PHACTR3: variants seen among roughly 807,000 people sequenced by gnomAD.
The protein encoded by PHACTR3 is protein phosphatase 1, regulatory subunit 123.
In PHACTR3, 16 loss-of-function variants were observed where a neutral mutation model predicts 66.8. The observed-to-expected ratio is 0.24, with a 90% CI of 0.16 to 0.36. PHACTR3 has a LOEUF of 0.36. Ranked by LOEUF, PHACTR3 falls within the 10% of genes least tolerant of loss-of-function variation. The pLI is 1.00. For missense variants in PHACTR3, 647 were observed against 719.9 expected, an observed-to-expected ratio of 0.90 and a Z score of 1.16; for synonymous variants, 323 against 292.1, an observed-to-expected ratio of 1.11 and a Z score of -1.08.
chr20:59,754,981 G>A (rs1180812026), intron 3 of PHACTR3, among the ~76,000 whole-genome samples: 1 of 152,188 alleles, frequency 6.6e-6, no homozygotes, highest in Non-Finnish European at 1.5e-5. Flanking sequence ...GCAGAAACCA[G>A]GCTAGGGTGT....
At position 59,604,983 on chromosome 20, in the gene PHACTR3, C is replaced by T. The variant is rs1403116387; in HGVS notation, c.-32C>T. The T allele has an allele frequency of 1.6e-6, 2 of 1,276,118 alleles. No individual in the cohort carries two copies. Among genetic ancestry groups the T allele is most frequent in the Admixed American group, 4.1e-5 (1 of 24,454 alleles). 79.0% of individuals were successfully genotyped at this position (1,276,118 alleles called of 1,614,324 possible). A position where few individuals can be genotyped will look rare whatever the true frequency, so the allele number is the denominator to read the frequency against. ...TCGGATGCTCTGATTCCACGCGGCTCGCTCTAACTTGCCCCCGCGCCGGCC... is the reference window on the plus strand; with the variant it reads ...TCGGATGCTCTGATTCCACGCGGCTTGCTCTAACTTGCCCCCGCGCCGGCC... On this transcript the variant is annotated 5_prime_UTR_variant, in exon 1 of 13. Coordinates refer to ENST00000371015, the MANE Select transcript of PHACTR3 (RefSeq NM_080672.5).
At chr20:59,650,740 CA>C (rs34879994) in intron 1 of PHACTR3, among the ~76,000 whole-genome samples, 728 of 61,482 alleles carry the variant, frequency 0.012, 4 homozygotes, top group African/African-American at 0.028. Context: ...GCGTTGATAG[CA>C]AAAAAAAAAA....
intron 1 of PHACTR3, among the ~76,000 whole-genome samples, chr20:59,704,378 A>T (rs968014083): frequency 6.6e-6 from 1 of 152,114 alleles, no homozygotes; most frequent in South Asian, 2.1e-4. Context: ...TTGCTCCTAT[A>T]CTTAAGAAGG....
intron 8 of PHACTR3, among the ~76,000 whole-genome samples, chr20:59,818,059 C>T (rs994048552): frequency 2.0e-5 from 3 of 152,178 alleles, no homozygotes; most frequent in South Asian, 4.1e-4. Flanking sequence ...GGAGCCTCAG[C>T]GAACCTGTCT....
chr20:59,816,722 G>T (rs2041897094), intron 8 of PHACTR3, among the ~76,000 whole-genome samples: 1 of 152,224 alleles, frequency 6.6e-6, no homozygotes, highest in Admixed American at 6.5e-5. Flanking sequence ...TGGTTGGTTA[G>T]ATGGATAGAT....
chr20:59,745,290 C>T (rs1163359544), intron 2 of PHACTR3, among the ~76,000 whole-genome samples: 1 of 152,164 alleles, frequency 6.6e-6, no homozygotes, highest in Non-Finnish European at 1.5e-5. Context: ...TCAGGGGGGT[C>T]TCTGACATTC....
intron 1 of PHACTR3, among the ~76,000 whole-genome samples, chr20:59,688,932 C>T (rs949811374): frequency 3.9e-5 from 6 of 152,222 alleles, no homozygotes; most frequent in South Asian, 4.1e-4. Flanking sequence ...TTGTTGGGAA[C>T]GCTAATTTCT....
At chr20:59,764,977 C>G (rs1186582801) in intron 4 of PHACTR3, among the ~76,000 whole-genome samples, 1 of 152,106 alleles carries the variant, frequency 6.6e-6, no homozygotes, top group African/African-American at 2.4e-5. Context: ...GTGTGGTGTC[C>G]CAAGAATGAG....
At chr20:59,833,142 C>G (rs999384176) in intron 8 of PHACTR3, among the ~76,000 whole-genome samples, 1 of 152,202 alleles carries the variant, frequency 6.6e-6, no homozygotes, top group Non-Finnish European at 1.5e-5. Context: ...CCCTTTTGCT[C>G]TGTTTACAAC....
intron 8 of PHACTR3, among the ~76,000 whole-genome samples, chr20:59,823,656 A>T (rs2042110495): frequency 6.6e-6 from 1 of 152,194 alleles, no homozygotes; most frequent in African/African-American, 2.4e-5. Flanking sequence ...GAGAGGAGTG[A>T]GTATTTAAAG....
rs905102345 is a variant in PHACTR3, at chr20:59,740,596, T to C, written c.119-2511T>C. Among the ~76,000 whole-genome samples, 39 of 152,214 alleles carry C rather than the reference T, an allele frequency of 2.6e-4. 2 individuals are homozygous for C. Among genetic ancestry groups the C allele is most frequent in the Admixed American group, 1.7e-3 (26 of 15,288 alleles). On this transcript the variant is annotated intron_variant, in intron 1 of 12. Coordinates refer to ENST00000371015, the MANE Select transcript of PHACTR3 (RefSeq NM_080672.5). ...ACAGGCATGAGCCACTGTACTGGCC[T>C]TCCCAGAATTTATGACCACACTGAG...
intron 1 of PHACTR3, among the ~76,000 whole-genome samples, chr20:59,675,511 G>A (rs544526211): frequency 5.3e-5 from 8 of 152,188 alleles, no homozygotes; most frequent in Non-Finnish European, 7.3e-5. Context: ...CCCTGTCTCC[G>A]AGGATCAGAG....
intron 1 of PHACTR3, among the ~76,000 whole-genome samples, chr20:59,700,591 T>C (rs2037466132): frequency 6.6e-6 from 1 of 152,138 alleles, no homozygotes; most frequent in African/African-American, 2.4e-5. Flanking sequence ...AAAAACATCA[T>C]TTTTGGTTTA....
At chr20:59,787,655 C>G (rs1433794516) in intron 7 of PHACTR3, among the ~76,000 whole-genome samples, 1 of 152,202 alleles carries the variant, frequency 6.6e-6, no homozygotes. Flanking sequence ...ACTCCTTAGA[C>G]AGCCCCTCTG....
upstream of PHACTR3, among the ~76,000 whole-genome samples, chr20:59,602,022 C>T (rs572343499): frequency 1.2e-4 from 18 of 152,264 alleles, no homozygotes; most frequent in Admixed American, 5.9e-4. Flanking sequence ...TGGTGGTGCA[C>T]GGACAAGGCA....
chr20:59,729,695 G>A lies in PHACTR3; in HGVS notation c.119-13412G>A, dbSNP rs1296964979. 4.6e-5 allele frequency among the ~76,000 whole-genome samples: 7 copies of A among 152,156 alleles called. 1 individual carries two copies. Among genetic ancestry groups the A allele is most frequent in the Non-Finnish European group, 4.4e-5 (3 of 68,006 alleles). On this transcript the variant is annotated intron_variant, in intron 1 of 12. Transcript: ENST00000371015. The stretch of plus-strand genomic sequence containing the variant: ...GCTGTCAGCTGCTCCCGGAAAGCCC[G>A]CACTGCATGACTTGCTGGTTTGTTG...
chr20:59,606,312 C>CA (rs202020713), intron 1 of PHACTR3, among the ~76,000 whole-genome samples: 1 of 145,474 alleles, frequency 6.9e-6, no homozygotes, highest in East Asian at 2.0e-4. Context: ...CTCCCCCCCC[C>CA]ATTTGAAAAT....
At chr20:59,676,844 G>T in intron 1 of PHACTR3, 1 of 607,052 alleles carries the variant, frequency 1.6e-6, no homozygotes, top group Non-Finnish European at 2.1e-6. Context: ...AAAGGCAAAG[G>T]GTTTGCAAAT....
At chr20:59,741,718 G>A (rs934633278) in intron 1 of PHACTR3, among the ~76,000 whole-genome samples, 4 of 150,716 alleles carry the variant, frequency 2.7e-5, no homozygotes, top group South Asian at 2.1e-4. Context: ...TCTCTCCCCC[G>A]CCTGCCAACA....
Sources: allele counts gnomAD v4.1 joint callset (sites outside exome capture counted in the v4.1 genomes callset), GRCh38; gene constraint gnomAD v4.1.1; transcripts MANE v1.5; gene names NCBI Gene and HGNC (gene_info 2026-07-23, HGNC 2026-07-21).